FCRL5: variants seen among roughly 807,000 people sequenced by gnomAD.
The protein encoded by FCRL5 is Fc receptor-like protein 5.
FCRL5 carries 79 observed loss-of-function variants against 92.1 expected under a neutral mutation model. The ratio of observed to expected loss-of-function variants is 0.86; its 90% CI spans 0.72 to 1.03. The LOEUF (loss-of-function observed/expected upper bound fraction) is 1.03. Ranked by LOEUF, FCRL5 falls within the 50% of genes least tolerant of loss-of-function variation. FCRL5 has a pLI of 0.00. For synonymous variants in FCRL5, 466 were observed against 469.3 expected, an observed-to-expected ratio of 0.99 and a Z score of 0.09; for missense variants, 1,160 against 1,181.1, an observed-to-expected ratio of 0.98 and a Z score of 0.26.
At position 157,515,509 on chromosome 1, in the gene FCRL5, C is replaced by A; in HGVS notation, c.*166G>T. 2.7e-6 allele frequency: 4 copies of A among 1,467,918 alleles called. No individual in the cohort carries two copies. In the South Asian group the frequency reaches 4.9e-5, roughly 18 times the overall value. The allele number at this position is 1,467,918 out of a possible 1,614,324, so 90.9% of individuals were successfully genotyped here. On this transcript the variant is annotated 3_prime_UTR_variant, in exon 17 of 17. Coordinates refer to ENST00000361835, the MANE Select transcript of FCRL5 (RefSeq NM_031281.3). Reference sequence around the variant, plus strand: ...TTTAACTGGGAAACAGGTGACAGTCCAGCAGGGCCCTGCATTCTGGTCAGA... The same window carrying A: ...TTTAACTGGGAAACAGGTGACAGTCAAGCAGGGCCCTGCATTCTGGTCAGA...
chr1:157,545,847 C>G (rs1385723279), intron 3 of FCRL5, among the ~76,000 whole-genome samples: 1 of 152,094 alleles, frequency 6.6e-6, no homozygotes, highest in Non-Finnish European at 1.5e-5. Context: ...TTTTCTAAAC[C>G]ATGTTAAGGT....
intron 9 of FCRL5, among the ~76,000 whole-genome samples, chr1:157,525,412 GATTCT>G (rs1260177838): frequency 6.6e-6 from 1 of 152,198 alleles, no homozygotes; most frequent in Non-Finnish European, 1.5e-5. Flanking sequence ...ACACTGAGAA[GATTCT>G]GCAAACTACC....
intron 2 of FCRL5, 120 bp downstream of exon 2, chr1:157,549,440 A>C: frequency 7.5e-6 from 7 of 934,784 alleles, no homozygotes; most frequent in Non-Finnish European, 1.6e-6. Context: ...TATAATAAAA[A>C]AAAGGAAAGA....
At position 157,527,890 on chromosome 1, in the gene FCRL5, C is replaced by T. The variant is rs779447312; in HGVS notation, c.1687G>A (p.Val563Met). The T allele has an allele frequency of 3.2e-6, 5 of 1,565,114 alleles. No homozygotes were observed. The African/African-American group carries it at 6.9e-5, about 21-fold the overall frequency. The change falls in exon 9 of 17, where the codon GTG (valine) becomes ATG (methionine). Residue 563 changes from valine (V) to methionine (M), a missense_variant. Transcript: ENST00000361835. Reference protein sequence around the residue: ...EVVSLFVTVPVSRPILTLRVP... With the variant: ...EVVSLFVTVPMSRPILTLRVP... ...CTGAGGGTGAGGATGGGGCGAGACA[C>T]TGGAACTGAGAGAGAAAATGAGTTA...
chr1:157,515,731 C>T lies in FCRL5; in HGVS notation c.2878G>A (p.Ala960Thr), dbSNP rs764358256. Reference protein sequence around the residue: ...SPIIYSEVKVASTPVSGSLFL... With the variant: ...SPIIYSEVKVTSTPVSGSLFL... ...AGGGATCCGGAAACCGGGGTTGACG[C>T]CACCTTAACTTCAGAGTAGATGATA... Residue 960 changes from alanine (A) to threonine (T), a missense_variant, in exon 17 of 17, where the codon GCG becomes ACG. Physicochemically the swap from Ala to Thr is moderately conservative, Grantham distance 58 (BLOSUM62 0). Coordinates refer to ENST00000361835, the MANE Select transcript of FCRL5 (RefSeq NM_031281.3). The T allele has an allele frequency of 3.1e-6, 5 of 1,614,066 alleles. No homozygotes were observed. The Admixed American group carries it at 6.7e-5, about 22-fold the overall frequency.
chr1:157,518,779 G>C lies in FCRL5; in HGVS notation c.2664C>G (p.Ser888Arg). 2 of 1,610,824 alleles carry C rather than the reference G, an allele frequency of 1.2e-6. No individual in the cohort carries two copies. The highest frequency in any genetic ancestry group is 1.7e-6 in the Non-Finnish European group (2 of 1,178,272). Residue 888 changes from serine to arginine, a missense_variant, in exon 14 of 17, where the codon AGC (serine) becomes AGG (arginine). Coordinates refer to ENST00000361835, the MANE Select transcript of FCRL5 (RefSeq NM_031281.3). ...GRKPASDPAR[S>R]PSDSDSQEPT... is the part of the protein sequence containing the mutation. ...GCTCTTGGGAGTCCGAGTCTGAAGG[G>C]CTCCTGTGAGACAGAGAAATGTGAA...
rs1651568234 is a variant in FCRL5 at position 157,546,985 on chromosome 1, C to T, written c.265G>A (p.Gly89Ser). 9 of 1,614,142 alleles carry T rather than the reference C, an allele frequency of 5.6e-6. No individual in the cohort carries two copies. Among genetic ancestry groups the T allele is most frequent in the Non-Finnish European group, 7.6e-6 (9 of 1,180,018 alleles). Residue 89 changes from glycine (G) to serine (S), a missense_variant, in exon 3 of 17, where the codon GGC (glycine) becomes AGC (serine). Coordinates refer to ENST00000361835, the MANE Select transcript of FCRL5 (RefSeq NM_031281.3). ...ESGEYRCQAQ[G>S]SPLSSPVHLD... Reference sequence around the variant, plus strand: ...TGCACAGGGCTACTGAGAGGGGAGCCCTGGGCCTGGCATCTGTACTCTCCA... The same window carrying T: ...TGCACAGGGCTACTGAGAGGGGAGCTCTGGGCCTGGCATCTGTACTCTCCA...
At chr1:157,548,995 C>T (rs6665921) in intron 2 of FCRL5, among the ~76,000 whole-genome samples, 37,418 of 151,824 alleles carry the variant, frequency 0.25, 5,009 homozygotes, top group Middle Eastern at 0.38. Context: ...CGTATGTTTA[C>T]TGCGGCACTA....
intron 10 of FCRL5, chr1:157,523,951 C>A (rs1373996534): frequency 2.5e-6 from 1 of 404,412 alleles, no homozygotes; most frequent in African/African-American, 2.0e-5. Flanking sequence ...CTTTCTACGG[C>A]AGAGAAACAT....
intron 16 of FCRL5, 30 bp downstream of exon 16, chr1:157,515,812 G>T (rs371889918): frequency 3.1e-6 from 5 of 1,613,898 alleles, no homozygotes; most frequent in Non-Finnish European, 4.2e-6. Flanking sequence ...GCCTGGGGGT[G>T]GGGGAGGGCA....
intron 8 of FCRL5, chr1:157,533,491 G>T (rs971979634): frequency 1.3e-5 from 2 of 151,834 alleles, no homozygotes; most frequent in African/African-American, 2.4e-5. Context: ...CTTGGGCTTT[G>T]CTAGATGATT....
At chr1:157,537,359 G>C (rs780732283) in intron 7 of FCRL5, among the ~76,000 whole-genome samples, 13 of 152,140 alleles carry the variant, frequency 8.5e-5, no homozygotes, top group Non-Finnish European at 1.8e-4. Context: ...ATAAGCTCTG[G>C]TCTCCTGTAG....
intron 11 of FCRL5, 89 bp from the exon 12 acceptor site, chr1:157,520,636 G>T: frequency 1.0e-6 from 1 of 954,364 alleles, no homozygotes; most frequent in Non-Finnish European, 1.6e-6. Flanking sequence ...GCCTGACGGT[G>T]AACCTAGGTG....
intron 8 of FCRL5, among the ~76,000 whole-genome samples, chr1:157,529,947 C>T (rs1371950719): frequency 2.6e-5 from 4 of 152,138 alleles, no homozygotes; most frequent in Non-Finnish European, 5.9e-5. Context: ...ACCACCTGGT[C>T]CCCAAAACTA....
chr1:157,515,181 G>A lies in FCRL5; in HGVS notation c.*494C>T. The A allele has an allele frequency of 4.5e-6, 1 of 222,976 alleles. No individual in the cohort carries two copies. 13.8% of individuals were successfully genotyped at this position (222,976 alleles called of 1,614,324 possible). A position where few individuals can be genotyped will look rare whatever the true frequency, so the allele number is the denominator to read the frequency against. ...CACATGTCCCATGTGCACAGGCTGT[G>A]TGCTGTCCCATTTGGCAGCACACTG... On this transcript the variant is annotated 3_prime_UTR_variant, in exon 17 of 17. Coordinates refer to ENST00000361835, the MANE Select transcript of FCRL5 (RefSeq NM_031281.3).
chr1:157,548,462 C>T (rs1468123182), intron 2 of FCRL5, among the ~76,000 whole-genome samples: 5 of 152,196 alleles, frequency 3.3e-5, no homozygotes, highest in Non-Finnish European at 7.3e-5. Context: ...AGAACTTCTG[C>T]ACAGCAAAAG....
At chr1:157,546,089 A>G (rs777099989) in intron 3 of FCRL5, 7 of 247,846 alleles carry the variant, frequency 2.8e-5, no homozygotes, top group Non-Finnish European at 4.9e-5. Context: ...CCTATGCATT[A>G]TCTACCCATA....
At chr1:157,532,523 T>C (rs1156607278) in intron 8 of FCRL5, 1 of 147,556 alleles carries the variant, frequency 6.8e-6, no homozygotes, top group African/African-American at 2.7e-5. Flanking sequence ...CTTCCTCTCC[T>C]TCCTCTAACT....
chr1:157,538,756 A>C (rs1651100406), intron 7 of FCRL5, among the ~76,000 whole-genome samples: 1 of 152,238 alleles, frequency 6.6e-6, no homozygotes. Context: ...ATATCTACTA[A>C]GAATAATTTA....
Sources: allele counts gnomAD v4.1 joint callset (sites outside exome capture counted in the v4.1 genomes callset), GRCh38; gene constraint gnomAD v4.1.1; transcripts MANE v1.5; gene names NCBI Gene and HGNC (gene_info 2026-07-23, HGNC 2026-07-21).